PHC3: variants seen among roughly 807,000 people sequenced by gnomAD.
PHC3 encodes the protein polyhomeotic-like protein 3.
PHC3 carries 13 observed loss-of-function variants against 107.4 expected under a neutral mutation model. That is an observed-to-expected ratio of 0.12 (90% CI 0.08 to 0.19). The LOEUF (loss-of-function observed/expected upper bound fraction) is 0.19, where lower values mean the gene tolerates loss of function less well. Among genes scored for constraint, PHC3 ranks in the 10% least tolerant of loss-of-function variants. The pLI, the probability that PHC3 is intolerant of heterozygous loss-of-function variation, is 1.00. For synonymous variants in PHC3, 456 were observed against 427.4 expected, an observed-to-expected ratio of 1.07 and a Z score of -0.83; for missense variants, 992 against 1,210.9, an observed-to-expected ratio of 0.82 and a Z score of 2.68.
intron 11 of PHC3, 75 bp downstream of exon 11, chr3:170,113,285 T>C: frequency 7.1e-7 from 1 of 1,401,018 alleles, no homozygotes; most frequent in Non-Finnish European, 9.6e-7. Context: ...CTGTACAGAA[T>C]AAAAATCCAC....
intron 6 of PHC3, among the ~76,000 whole-genome samples, chr3:170,138,527 T>C (rs537451120): frequency 6.6e-6 from 1 of 151,626 alleles, no homozygotes; most frequent in Non-Finnish European, 1.5e-5. Context: ...CCGTCTCTAC[T>C]AAAAATACAA....
intron 7 of PHC3, among the ~76,000 whole-genome samples, chr3:170,135,851 G>C (rs181558050): frequency 2.5e-3 from 374 of 152,248 alleles, no homozygotes; most frequent in African/African-American, 8.7e-3. Flanking sequence ...TGAGAACCAT[G>C]AGGCAAGATT....
intron 4 of PHC3, among the ~76,000 whole-genome samples, chr3:170,151,287 A>G (rs1725923924): frequency 6.6e-6 from 1 of 152,194 alleles, no homozygotes; most frequent in African/African-American, 2.4e-5. Context: ...TTGTGGAACA[A>G]AGCACAGAAT....
intron 10 of PHC3, among the ~76,000 whole-genome samples, chr3:170,116,040 T>C (rs997196912): frequency 2.0e-5 from 3 of 152,210 alleles, no homozygotes; most frequent in Non-Finnish European, 2.9e-5. Flanking sequence ...TTGTCTTTGA[T>C]ATATTTTCTA....
chr3:170,129,480 T>G lies in PHC3; in HGVS notation c.992A>C (p.Lys331Thr), dbSNP rs1182518498. The G allele has an allele frequency of 3.1e-6, 5 of 1,613,690 alleles. No individual in the cohort carries two copies. The highest frequency in any genetic ancestry group is 1.3e-5 in the African/African-American group (1 of 74,852). ...TAATATCAGCTGATGATGGGAAACT[T>G]TGGAAGGTGGTGAATGAAGAGGAAT... ...QQIPLHSPPS[K>T]VSHHQLILQQ... The change falls in exon 8 of 15, where the codon AAA (lysine) becomes ACA (threonine). Residue 331 changes from lysine (K) to threonine (T), a missense_variant. Physicochemically the swap from Lys to Thr is moderately conservative, Grantham distance 78. Transcript: ENST00000495893.
At chr3:170,178,201 T>C (rs989606828) in intron 2 of PHC3, among the ~76,000 whole-genome samples, 8 of 150,870 alleles carry the variant, frequency 5.3e-5, no homozygotes, top group Non-Finnish European at 1.0e-4. Flanking sequence ...GGGAGTGCTG[T>C]GGCGCGATCT....
At chr3:170,146,994 T>C (rs539515235) in intron 5 of PHC3, among the ~76,000 whole-genome samples, 1 of 150,662 alleles carries the variant, frequency 6.6e-6, no homozygotes, top group Admixed American at 6.6e-5. Flanking sequence ...GTGATTCTCC[T>C]GCATTAGCCT....
chr3:170,154,967 C>T (rs1726655029), intron 4 of PHC3, among the ~76,000 whole-genome samples: 1 of 152,218 alleles, frequency 6.6e-6, no homozygotes, highest in Admixed American at 6.5e-5. Flanking sequence ...CCCAACACTC[C>T]TAATTCCCTT....
rs1714061337 is a variant in PHC3 at position 170,091,230 on chromosome 3, T to C, written c.*6000A>G. 1 of 152,358 alleles carries C rather than the reference T, an allele frequency of 6.6e-6. No individual in the cohort carries two copies. 9.4% of individuals were successfully genotyped at this position (152,358 alleles called of 1,614,324 possible). A position where few individuals can be genotyped will look rare whatever the true frequency, so the allele number is the denominator to read the frequency against. The stretch of plus-strand genomic sequence containing the variant: ...ATTTAAACAGGTGCTCTAAAAGAAC[T>C]TACTACCTTACTCTTATATTTAATT... On this transcript the variant is annotated 3_prime_UTR_variant, in exon 15 of 15. Coordinates refer to ENST00000495893, the MANE Select transcript of PHC3 (RefSeq NM_024947.4).
chr3:170,147,518 T>A (rs926033965), intron 5 of PHC3: 13 of 152,180 alleles, frequency 8.5e-5, no homozygotes, highest in Admixed American at 6.5e-4. Context: ...TTAAAAAAAA[T>A]AGCTGCATCT....
At chr3:170,112,396 T>TA (rs1491281150) in intron 11 of PHC3, among the ~76,000 whole-genome samples, 50 of 47,758 alleles carry the variant, frequency 1.0e-3, no homozygotes, top group South Asian at 4.5e-3. Flanking sequence ...TATATATATA[T>TA]TTTTTTTTAG....
At chr3:170,177,666 AT>A (rs67401455) in intron 2 of PHC3, among the ~76,000 whole-genome samples, 1,124 of 101,924 alleles carry the variant, frequency 0.011, 10 homozygotes, top group African/African-American at 0.037. Flanking sequence ...CACGCCCAGC[AT>A]TTTTTTTTTT....
chr3:170,174,197 AAATAAT>A (rs941009309), intron 2 of PHC3, among the ~76,000 whole-genome samples: 8 of 151,974 alleles, frequency 5.3e-5, no homozygotes, highest in Admixed American at 1.3e-4. Flanking sequence ...CATCTCAAAA[AAATAAT>A]AATAATAAAA....
At chr3:170,117,022 TAG>T in intron 10 of PHC3, 1 of 592,704 alleles carries the variant, frequency 1.7e-6, no homozygotes. Context: ...TTTTTTCCCT[TAG>T]TTTATGCATC....
chr3:170,155,178 G>A (rs544091723), intron 4 of PHC3, among the ~76,000 whole-genome samples: 1 of 152,148 alleles, frequency 6.6e-6, no homozygotes, highest in African/African-American at 2.4e-5. Flanking sequence ...GTTTCCAACC[G>A]ATTACTACCC....
chr3:170,117,608 A>G (rs557057206), intron 9 of PHC3, 132 bp from the exon 10 acceptor site: 2 of 869,642 alleles, frequency 2.3e-6, no homozygotes, highest in South Asian at 1.8e-5. Context: ...AAGAACCTTA[A>G]GACCTCATTT....
intron 4 of PHC3, among the ~76,000 whole-genome samples, chr3:170,163,635 G>C (rs1196727389): frequency 2.0e-5 from 3 of 152,086 alleles, no homozygotes; most frequent in Non-Finnish European, 4.4e-5. Context: ...GGCCGAAGCA[G>C]GCTGATCACC....
At chr3:170,160,644 T>C (rs771613735) in intron 4 of PHC3, among the ~76,000 whole-genome samples, 1 of 152,216 alleles carries the variant, frequency 6.6e-6, no homozygotes, top group Non-Finnish European at 1.5e-5. Flanking sequence ...CTCACGCCTG[T>C]AATCCTAGCA....
At chr3:170,163,551 A>G (rs1003481889) in intron 4 of PHC3, among the ~76,000 whole-genome samples, 1 of 151,828 alleles carries the variant, frequency 6.6e-6, no homozygotes, top group Non-Finnish European at 1.5e-5. Context: ...CTAAAAGCCC[A>G]TTTACATTTA....
Sources: allele counts gnomAD v4.1 joint callset (sites outside exome capture counted in the v4.1 genomes callset), GRCh38; gene constraint gnomAD v4.1.1; transcripts MANE v1.5; gene names NCBI Gene and HGNC (gene_info 2026-07-23, HGNC 2026-07-21).